The following RPRD1A variants were observed in gnomAD, a reference collection of about 807,000 sequenced individuals.
The protein encoded by RPRD1A is regulation of nuclear pre-mRNA domain-containing protein 1A.
RPRD1A carries 9 observed loss-of-function variants against 37.8 expected under a neutral mutation model. The observed-to-expected ratio is 0.24, with a 90% confidence interval of 0.14 to 0.42. The LOEUF is 0.42. RPRD1A is among the 10% of genes least tolerant of loss of function. The pLI, the probability that RPRD1A is intolerant of heterozygous loss-of-function variation, is 1.00. For synonymous variants in RPRD1A, 138 were observed against 139.7 expected, an observed-to-expected ratio of 0.99 and a Z score of 0.08; for missense variants, 255 against 371.0, an observed-to-expected ratio of 0.69 and a Z score of 2.57.
chr18:35,994,468 A>C lies in RPRD1A; in HGVS notation c.790-1168T>G, dbSNP rs141217376. 7.9e-5 allele frequency among the ~76,000 whole-genome samples: 12 copies of C among 152,368 alleles called. No homozygotes were observed. The East Asian group carries it at 2.3e-3, about 29-fold the overall frequency. ...CCTTAATGTCAAAGACTAAATGTTT[A>C]GAAAGAAAAATCAGCAGGAATTGGT... On this transcript the variant is annotated intron_variant, in intron 6 of 6. Coordinates refer to ENST00000399022, the MANE Select transcript of RPRD1A (RefSeq NM_018170.5).
At chr18:36,042,192 T>C (rs1912629157) in intron 1 of RPRD1A, among the ~76,000 whole-genome samples, 1 of 152,222 alleles carries the variant, frequency 6.6e-6, no homozygotes, top group Non-Finnish European at 1.5e-5. Context: ...TTCCTCCAGT[T>C]TTCCCTGACC....
At chr18:36,002,947 A>G (rs927739161) in intron 6 of RPRD1A, among the ~76,000 whole-genome samples, 1 of 152,226 alleles carries the variant, frequency 6.6e-6, no homozygotes, top group Non-Finnish European at 1.5e-5. Flanking sequence ...GAAGTTTTAA[A>G]TGGCAGAGTG....
chr18:36,035,271 T>C (rs1407850263), intron 1 of RPRD1A, among the ~76,000 whole-genome samples: 1 of 152,180 alleles, frequency 6.6e-6, no homozygotes, highest in African/African-American at 2.4e-5. Context: ...TATTATCTAA[T>C]TGGGAGATTG....
intron 3 of RPRD1A, 28 bp downstream of exon 3, chr18:36,030,963 A>G (rs1201500911): frequency 6.3e-7 from 1 of 1,593,836 alleles, no homozygotes; most frequent in African/African-American, 1.3e-5. Context: ...GAAGAGATCA[A>G]GGTAAGAGAT....
At chr18:36,014,886 CAAT>C (rs1266563398) in intron 6 of RPRD1A, among the ~76,000 whole-genome samples, 5 of 152,194 alleles carry the variant, frequency 3.3e-5, no homozygotes, top group East Asian at 3.9e-4. Context: ...ATCAAAACCA[CAAT>C]GAGATACTAC....
chr18:35,994,753 G>A (rs1908921700), intron 6 of RPRD1A, among the ~76,000 whole-genome samples: 1 of 152,106 alleles, frequency 6.6e-6, no homozygotes, highest in South Asian at 2.1e-4. Flanking sequence ...AAGAGTATGA[G>A]CCACTTAGGT....
At chr18:36,005,757 G>T (rs544700968) in intron 6 of RPRD1A, among the ~76,000 whole-genome samples, 57 of 152,296 alleles carry the variant, frequency 3.7e-4, no homozygotes, top group African/African-American at 1.3e-3. Flanking sequence ...ACCAGTTCAT[G>T]ATTTTACTCC....
chr18:36,050,179 T>C (rs1913275352), intron 1 of RPRD1A, among the ~76,000 whole-genome samples: 2 of 151,902 alleles, frequency 1.3e-5, no homozygotes, highest in African/African-American at 4.8e-5. Flanking sequence ...CACAACTGAA[T>C]GTACTTAACG....
intron 6 of RPRD1A, among the ~76,000 whole-genome samples, chr18:35,999,135 C>T (rs1408476712): frequency 6.6e-6 from 1 of 152,138 alleles, no homozygotes; most frequent in Non-Finnish European, 1.5e-5. Context: ...TAATTTCATA[C>T]CCATAATTAG....
chr18:36,045,065 C>T (rs1912858469), intron 1 of RPRD1A, among the ~76,000 whole-genome samples: 1 of 151,936 alleles, frequency 6.6e-6, no homozygotes. Context: ...CGTGAAGAAA[C>T]CCTGTCTCTA....
chr18:36,020,629 T>G (rs1910933733), intron 6 of RPRD1A, among the ~76,000 whole-genome samples: 1 of 151,978 alleles, frequency 6.6e-6, no homozygotes, highest in Non-Finnish European at 1.5e-5. Context: ...GCAATAAAAA[T>G]AAATAGTCTG....
intron 1 of RPRD1A, among the ~76,000 whole-genome samples, chr18:36,035,572 C>G (rs527635225): frequency 2.6e-5 from 4 of 151,948 alleles, no homozygotes; most frequent in African/African-American, 9.7e-5. Flanking sequence ...CTTTGAGACT[C>G]AAAAGTAGCA....
At chr18:35,993,787 A>G (rs1331115272) in intron 6 of RPRD1A, among the ~76,000 whole-genome samples, 4 of 151,786 alleles carry the variant, frequency 2.6e-5, no homozygotes, top group Non-Finnish European at 5.9e-5. Context: ...TCTCCCTGCA[A>G]CTCCCAGTGG....
At position 35,989,945 on chromosome 18, in the gene RPRD1A, A is replaced by T. The variant is rs1908627665; in HGVS notation, c.*3206T>A. On this transcript the variant is annotated 3_prime_UTR_variant, in exon 7 of 7. Transcript: ENST00000399022. ...TCTTCCCATGTGCTATTGCCACCTC[A>T]GAACAGACTCCTGTGTGGATGGCTG... The T allele has an allele frequency of 6.6e-6, 1 of 152,256 alleles. No homozygotes were observed. The highest frequency in any genetic ancestry group is 1.5e-5 in the Non-Finnish European group (1 of 68,052). 9.4% of individuals were successfully genotyped at this position (152,256 alleles called of 1,614,324 possible).
chr18:36,032,302 T>C (rs1053694835), intron 2 of RPRD1A, among the ~76,000 whole-genome samples: 1 of 152,224 alleles, frequency 6.6e-6, no homozygotes, highest in Admixed American at 6.5e-5. Flanking sequence ...ATAATAAATA[T>C]TTATGCAGCC....
chr18:36,001,090 T>C (rs1471053247), intron 6 of RPRD1A, among the ~76,000 whole-genome samples: 1 of 152,170 alleles, frequency 6.6e-6, no homozygotes, highest in Admixed American at 6.5e-5. Context: ...TTCCCATGAA[T>C]AACAGCATAT....
chr18:36,014,097 A>G (rs1910346824), intron 6 of RPRD1A, among the ~76,000 whole-genome samples: 1 of 152,192 alleles, frequency 6.6e-6, no homozygotes, highest in Non-Finnish European at 1.5e-5. Context: ...AAAAGAATAT[A>G]TGTATTTGGA....
intron 1 of RPRD1A, among the ~76,000 whole-genome samples, chr18:36,042,603 G>C (rs1428077657): frequency 6.6e-6 from 1 of 152,190 alleles, no homozygotes; most frequent in Non-Finnish European, 1.5e-5. Context: ...ATGTATTGAA[G>C]TTCAACTATT....
intron 6 of RPRD1A, among the ~76,000 whole-genome samples, chr18:36,008,577 G>GTGTGTGTGTGTGTATATATATA: frequency 6.3e-5 from 3 of 47,802 alleles, no homozygotes; most frequent in African/African-American, 1.4e-4. Context: ...CCTTGTGTGT[G>GTGTGTGTGTGTGTATATATATA]TATATATATA....
Sources: allele counts gnomAD v4.1 joint callset (sites outside exome capture counted in the v4.1 genomes callset), GRCh38; gene constraint gnomAD v4.1.1; transcripts MANE v1.5; gene names NCBI Gene and HGNC (gene_info 2026-07-23, HGNC 2026-07-21).